Variants in LTBR observed in about 807,000 individuals in gnomAD.
LTBR encodes the protein tumor necrosis factor receptor superfamily member 3.
LTBR carries 15 observed loss-of-function variants against 45.4 expected under a neutral mutation model. That is an observed-to-expected ratio of 0.33 (90% CI 0.22 to 0.51). The LOEUF (loss-of-function observed/expected upper bound fraction) is 0.51, where lower values mean the gene tolerates loss of function less well. Ranked by LOEUF, LTBR falls within the 20% of genes least tolerant of loss-of-function variation. The pLI is 0.97. For synonymous variants in LTBR, 228 were observed against 231.0 expected, an observed-to-expected ratio of 0.99 and a Z score of 0.12; for missense variants, 450 against 565.5, an observed-to-expected ratio of 0.80 and a Z score of 2.07.
chr12:6,377,857 G>A, intron 1 of LTBR: 1 of 399,798 alleles, frequency 2.5e-6, no homozygotes, highest in South Asian at 1.8e-5. Context: ...GCCTGGTCTG[G>A]GCTGAGCCAA....
intron 9 of LTBR, 97 bp downstream of exon 9, chr12:6,390,437 G>A: frequency 1.8e-6 from 2 of 1,112,928 alleles, no homozygotes. Flanking sequence ...GACCAAAACA[G>A]AGGCAGACAG....
upstream of LTBR, among the ~76,000 whole-genome samples, chr12:6,379,527 C>G (rs1452984448): frequency 1.3e-5 from 2 of 152,216 alleles, no homozygotes; most frequent in African/African-American, 4.8e-5. Flanking sequence ...TGGAAGACAA[C>G]AGTCCTTTCA....
In LTBR at chr12:6,388,573, C is replaced by T. The variant is rs111280042; in HGVS notation, c.775+68C>T. 95 of 1,360,304 alleles carry T rather than the reference C, an allele frequency of 7.0e-5. 1 individual carries two copies. In the African/African-American group the frequency reaches 7.1e-4, roughly 10 times the overall value. 84.3% of individuals were successfully genotyped at this position (1,360,304 alleles called of 1,614,324 possible). A position where few individuals can be genotyped will look rare whatever the true frequency, so the allele number is the denominator to read the frequency against. On this transcript the variant is annotated intron_variant, in intron 7 of 9. Coordinates refer to ENST00000228918, the MANE Select transcript of LTBR (RefSeq NM_002342.3). The surrounding 1 kb of genome is among the most constrained non-coding windows in gnomAD (Gnocchi z 4.3). ...CGGAGGGAGGAATATTCAACTTCCC[C>T]GGTGCAACCCTCCACACCCTCAAGA...
chr12:6,379,171 C>T (rs140186511), upstream of LTBR, among the ~76,000 whole-genome samples: 2 of 152,190 alleles, frequency 1.3e-5, no homozygotes, highest in African/African-American at 2.4e-5. Context: ...CCTGACTTCC[C>T]GCAACACAAG....
exon 1 of LTBR, chr12:6,375,471 T>A (rs1192935338): frequency 3.6e-5 from 55 of 1,535,374 alleles, no homozygotes; most frequent in Non-Finnish European, 4.6e-5. Context: ...CCTTTCCAGT[T>A]GAATCTGGCA....
In LTBR at chr12:6,386,232, T is replaced by G; in HGVS notation, c.569+70T>G. The G allele has an allele frequency of 2.0e-6, 3 of 1,488,700 alleles. No homozygotes were observed. Among genetic ancestry groups the G allele is most frequent in the Non-Finnish European group, 2.8e-6 (3 of 1,067,912 alleles). 92.2% of individuals were successfully genotyped at this position (1,488,700 alleles called of 1,614,324 possible). A position where few individuals can be genotyped will look rare whatever the true frequency, so the allele number is the denominator to read the frequency against. ...TCAGCTGCTAACAACCCCCAGCGCC[T>G]ATCCTTGACACCACGGACTCGACTC... is the stretch of plus-strand genomic sequence containing the variant. On this transcript the variant is annotated intron_variant, in intron 5 of 9. Coordinates refer to ENST00000228918, the MANE Select transcript of LTBR (RefSeq NM_002342.3). The surrounding 1 kb of genome is among the most constrained non-coding windows in gnomAD (Gnocchi z 4.1).
Position 6,384,237 on chromosome 12 carries a change from G to A in LTBR, c.-122G>A. 1 of 1,370,718 alleles carries A rather than the reference G, an allele frequency of 7.3e-7. No homozygotes were observed. The highest frequency in any genetic ancestry group is 9.4e-7 in the Non-Finnish European group (1 of 1,066,958). 84.9% of individuals were successfully genotyped at this position (1,370,718 alleles called of 1,614,324 possible). A position where few individuals can be genotyped will look rare whatever the true frequency, so the allele number is the denominator to read the frequency against. ...CGCTCCCGGCCCTGGGGTGCACATC[G>A]GCCCTGAGTCCCGTCCCAGGCTCTG... On this transcript the variant is annotated 5_prime_UTR_variant, in exon 1 of 10. Transcript: ENST00000228918.
At chr12:6,375,350 GACCTC>G, upstream of LTBR, 2 of 1,447,738 alleles carry the variant, frequency 1.4e-6, no homozygotes, top group Non-Finnish European at 1.8e-6. Flanking sequence ...CTCTGGCCCT[GACCTC>G]GAGCTGTGTC....
upstream of LTBR, chr12:6,384,113 G>A (rs937383649): frequency 7.9e-7 from 1 of 1,258,700 alleles, no homozygotes; most frequent in Non-Finnish European, 1.0e-6. Flanking sequence ...GCGACAGGCC[G>A]GCCTGGCTCC....
Position 6,388,611 on chromosome 12 carries a change from A to G in LTBR, c.775+106A>G. 4.5e-6 allele frequency: 5 copies of G among 1,112,618 alleles called. No individual in the cohort carries two copies. The East Asian group carries it at 1.2e-4, about 27-fold the overall frequency. 68.9% of individuals were successfully genotyped at this position (1,112,618 alleles called of 1,614,324 possible). A position where few individuals can be genotyped will look rare whatever the true frequency, so the allele number is the denominator to read the frequency against. ...CACACCCTCAAGACTCCCAATGCCT[A>G]CCCCCAACATAGACATCCTTATCTT... On this transcript the variant is annotated intron_variant, in intron 7 of 9. Coordinates refer to ENST00000228918, the MANE Select transcript of LTBR (RefSeq NM_002342.3). This position sits in a 1 kb window ranked among gnomAD's most constrained non-coding sequence, Gnocchi z 4.3.
upstream of LTBR, among the ~76,000 whole-genome samples, chr12:6,382,982 C>T (rs146118952): frequency 6.4e-4 from 97 of 152,320 alleles, no homozygotes; most frequent in Middle Eastern, 3.4e-3. Flanking sequence ...GTGGCCATCA[C>T]TCATTTATTC....
intron 9 of LTBR, 44 bp from the exon 10 acceptor site, chr12:6,390,616 A>G: frequency 4.0e-6 from 6 of 1,496,824 alleles, no homozygotes; most frequent in Non-Finnish European, 5.3e-6. Context: ...GCGGGCCTGA[A>G]CTGGGGGCCT....
Position 6,388,320 on chromosome 12 carries a change from C to A in LTBR, c.668-78C>A. 1 of 1,109,496 alleles carries A rather than the reference C, an allele frequency of 9.0e-7. No individual in the cohort carries two copies. Among genetic ancestry groups the A allele is most frequent in the Non-Finnish European group, 1.4e-6 (1 of 729,954 alleles). The allele number at this position is 1,109,496 out of a possible 1,614,324, so 68.7% of individuals were successfully genotyped here. ...TTCTCTGTCTGGGTTGCCCAGGGAT[C>A]TGGAAAGCTCTTCCTTCTCCTCCTC... is the stretch of plus-strand genomic sequence containing the variant. On this transcript the variant is annotated intron_variant, in intron 6 of 9. Transcript: ENST00000228918. The surrounding 1 kb of genome is among the most constrained non-coding windows in gnomAD (Gnocchi z 4.3).
chr12:6,388,445 C>A lies in LTBR; in HGVS notation c.715C>A (p.Leu239Ile). The A allele has an allele frequency of 6.2e-7, 1 of 1,614,106 alleles. No homozygotes were observed. Among genetic ancestry groups the A allele is most frequent in the Non-Finnish European group, 8.5e-7 (1 of 1,180,030 alleles). Residue 239 changes from leucine to isoleucine, a missense_variant, in exon 7 of 10, where the codon CTC (leucine) becomes ATC (isoleucine). Leu to Ile is a conservative substitution (Grantham distance 5). Coordinates refer to ENST00000228918, the MANE Select transcript of LTBR (RefSeq NM_002342.3). This position sits in a 1 kb window ranked among gnomAD's most constrained non-coding sequence, Gnocchi z 4.3. ...AVLLPLAFFLLLATVFSCIWK... is the reference protein window; with the variant it reads ...AVLLPLAFFLILATVFSCIWK... ...TCTGCTGCCACTGGCCTTCTTTCTGCTCCTTGCCACCGTCTTCTCCTGCAT... is the reference window on the plus strand; with the variant it reads ...TCTGCTGCCACTGGCCTTCTTTCTGATCCTTGCCACCGTCTTCTCCTGCAT...
At position 6,386,601 on chromosome 12, in the gene LTBR, G is replaced by A; in HGVS notation, c.667+157G>A. ...AAAAAATTGGAGTATCTCTAGGCTA[G>A]TTTACACACACACACACACACACAC... On this transcript the variant is annotated intron_variant, in intron 6 of 9. Transcript: ENST00000228918. The surrounding 1 kb of genome is among the most constrained non-coding windows in gnomAD (Gnocchi z 4.1). The A allele has an allele frequency of 1.7e-6, 1 of 576,176 alleles. No individual in the cohort carries two copies. The highest frequency in any genetic ancestry group is 3.1e-6 in the Non-Finnish European group (1 of 322,188). The allele number at this position is 576,176 out of a possible 1,614,324, so 35.7% of individuals were successfully genotyped here. A position where few individuals can be genotyped will look rare whatever the true frequency, so the allele number is the denominator to read the frequency against.
At chr12:6,384,552 T>G in intron 1 of LTBR, 36 bp from the exon 2 acceptor site, 4 of 1,611,042 alleles carry the variant, frequency 2.5e-6, no homozygotes, top group Non-Finnish European at 3.4e-6. Context: ...GACCCCTGAC[T>G]AATTCTTCTC....
chr12:6,390,366 G>A (rs1233799379), intron 9 of LTBR, 26 bp downstream of exon 9: 2 of 1,547,742 alleles, frequency 1.3e-6, no homozygotes, highest in Admixed American at 3.8e-5. Flanking sequence ...GGAGAAGAGA[G>A]GAAGGATGGG....
intron 8 of LTBR, chr12:6,389,284 G>A (rs1279985123): frequency 6.2e-6 from 1 of 160,326 alleles, no homozygotes; most frequent in Non-Finnish European, 1.4e-5. Context: ...CCTGAGGCAG[G>A]GGGCATGGGG....
chr12:6,379,658 T>C (rs1420791390), upstream of LTBR, among the ~76,000 whole-genome samples: 2 of 152,176 alleles, frequency 1.3e-5, no homozygotes, highest in East Asian at 1.9e-4. Context: ...TGGCCGGGCA[T>C]GGTGGCTCAC....
Sources: allele counts gnomAD v4.1 joint callset (sites outside exome capture counted in the v4.1 genomes callset), GRCh38; gene constraint gnomAD v4.1.1; non-coding constraint Gnocchi (gnomAD v3.1); transcripts MANE v1.5; gene names NCBI Gene and HGNC (gene_info 2026-07-23, HGNC 2026-07-21).